The following EPHA6 variants were observed in gnomAD, a reference collection of about 807,000 sequenced individuals.
The protein encoded by EPHA6 is EPH receptor A6.
EPHA6 carries 50 observed loss-of-function variants against 112.0 expected under a neutral mutation model. The ratio of observed to expected loss-of-function variants is 0.45; its 90% CI spans 0.36 to 0.56. EPHA6 has a LOEUF of 0.56. Among genes scored for constraint, EPHA6 ranks in the 20% least tolerant of loss-of-function variants. The probability of loss-of-function intolerance (pLI) is 0.00; values close to 1 mark genes in which losing one functional copy is unlikely to be tolerated. For synonymous variants in EPHA6, 529 were observed against 490.7 expected, an observed-to-expected ratio of 1.08 and a Z score of -1.03; for missense variants, 1,280 against 1,417.4, an observed-to-expected ratio of 0.90 and a Z score of 1.56.
At chr3:97,350,145 G>A (rs1270640171) in intron 5 of EPHA6, among the ~76,000 whole-genome samples, 2 of 151,930 alleles carry the variant, frequency 1.3e-5, no homozygotes, top group African/African-American at 4.8e-5. Flanking sequence ...TTTGGATATT[G>A]TAGAGAAAGA....
chr3:96,916,651 T>C (rs1000149481), intron 2 of EPHA6, among the ~76,000 whole-genome samples: 3 of 151,990 alleles, frequency 2.0e-5, no homozygotes, highest in African/African-American at 7.2e-5. Flanking sequence ...AATGAGTAGA[T>C]TGAAAGAGTT....
At chr3:97,610,716 CAGCTGGGT>C (rs1391808201) in intron 12 of EPHA6, 69 bp from the exon 13 acceptor site, 17 of 1,136,958 alleles carry the variant, frequency 1.5e-5, no homozygotes, top group African/African-American at 3.2e-5. Context: ...TTAGTTGCCA[CAGCTGGGT>C]ATCTCTTAAC....
intron 2 of EPHA6, among the ~76,000 whole-genome samples, chr3:96,871,469 C>T (rs1265079618): frequency 6.6e-6 from 1 of 151,876 alleles, no homozygotes; most frequent in East Asian, 1.9e-4. Context: ...CCATTTGTTT[C>T]TTTGCTTTTT....
At chr3:97,647,266 A>G (rs1672246664) in intron 14 of EPHA6, among the ~76,000 whole-genome samples, 1 of 152,160 alleles carries the variant, frequency 6.6e-6, no homozygotes, top group African/African-American at 2.4e-5. Flanking sequence ...GCTACACAGG[A>G]ATAAGACCAA....
At chr3:97,666,596 T>C (rs2030139766) in intron 14 of EPHA6, among the ~76,000 whole-genome samples, 2 of 152,208 alleles carry the variant, frequency 1.3e-5, no homozygotes, top group Admixed American at 6.5e-5. Context: ...TGTCTCTTTG[T>C]CCAAATTTTC....
intron 3 of EPHA6, among the ~76,000 whole-genome samples, chr3:97,140,812 A>G (rs568237905): frequency 3.3e-5 from 5 of 152,304 alleles, no homozygotes; most frequent in African/African-American, 9.6e-5. Context: ...TGATAGGTAC[A>G]AAACCTCACA....
At chr3:97,340,173 A>C (rs932347959) in intron 5 of EPHA6, among the ~76,000 whole-genome samples, 1 of 152,188 alleles carries the variant, frequency 6.6e-6, no homozygotes, top group Non-Finnish European at 1.5e-5. Context: ...CTAAATATTG[A>C]GTTTTCCAAT....
chr3:96,822,839 T>TCACTACCTA, intron 1 of EPHA6, among the ~76,000 whole-genome samples: 1 of 151,416 alleles, frequency 6.6e-6, no homozygotes, highest in South Asian at 2.1e-4. Context: ...CATTCTTAGG[T>TCACTACCTA]AGTGTATAGA....
chr3:97,328,596 C>T lies in EPHA6; in HGVS notation c.1607-76554C>T, dbSNP rs146928509. 4.6e-5 allele frequency among the ~76,000 whole-genome samples: 7 copies of T among 151,896 alleles called. No homozygotes were observed. The East Asian group carries it at 1.4e-3, about 29-fold the overall frequency. ...GAGAGTTCTTTGTATAATCTAAGTA[C>T]TACTCGTTTGTCAGATACACAGTTT... On this transcript the variant is annotated intron_variant, in intron 5 of 17. Transcript: ENST00000389672.
intron 10 of EPHA6, among the ~76,000 whole-genome samples, chr3:97,514,429 G>GATT (rs2092415100): frequency 6.6e-6 from 1 of 152,060 alleles, no homozygotes; most frequent in South Asian, 2.1e-4. Context: ...CATATTTCAG[G>GATT]ATTATTAATA....
intron 14 of EPHA6, among the ~76,000 whole-genome samples, chr3:97,649,219 C>T (rs576196228): frequency 1.3e-5 from 2 of 152,146 alleles, no homozygotes; most frequent in African/African-American, 2.4e-5. Flanking sequence ...AGGAAAGTCA[C>T]GTCTTACATG....
rs145890369 is a variant in EPHA6, at chr3:97,009,817, C to G, written c.1114+21824C>G. On this transcript the variant is annotated intron_variant, in intron 3 of 17. Transcript: ENST00000389672. The stretch of plus-strand genomic sequence containing the variant: ...GCTGGGTAGCATGCTCACTCACCAC[C>G]TCACTTGGCTGGAGGGAACAGACTC... Among the ~76,000 whole-genome samples the G allele has an allele frequency of 2.1e-3, 325 of 152,326 alleles. 1 individual carries two copies. The highest frequency in any genetic ancestry group is 7.6e-3 in the African/African-American group (317 of 41,578).
At chr3:96,853,470 A>T (rs1334607537) in intron 1 of EPHA6, among the ~76,000 whole-genome samples, 1 of 152,048 alleles carries the variant, frequency 6.6e-6, no homozygotes, top group Non-Finnish European at 1.5e-5. Flanking sequence ...CAGTGGCCAT[A>T]ATGCATTGAC....
At chr3:97,274,066 C>G (rs970854398) in intron 5 of EPHA6, among the ~76,000 whole-genome samples, 4 of 151,926 alleles carry the variant, frequency 2.6e-5, no homozygotes, top group African/African-American at 9.7e-5. Flanking sequence ...CAGATTTCCA[C>G]GATGGAAAGG....
At chr3:97,452,437 T>C (rs1026613894) in intron 7 of EPHA6, among the ~76,000 whole-genome samples, 3 of 151,800 alleles carry the variant, frequency 2.0e-5, no homozygotes, top group African/African-American at 7.2e-5. Flanking sequence ...TCCTTGTATT[T>C]TAATGTTCGC....
chr3:97,356,304 T>G (rs922623467), intron 5 of EPHA6, among the ~76,000 whole-genome samples: 3 of 152,240 alleles, frequency 2.0e-5, no homozygotes, highest in Non-Finnish European at 4.4e-5. Flanking sequence ...TATGGTGAGC[T>G]GTATAATTAT....
chr3:97,477,448 AAGGGG>A (rs138218579), intron 8 of EPHA6, among the ~76,000 whole-genome samples: 21,904 of 134,254 alleles, frequency 0.16, 2,450 homozygotes, highest in African/African-American at 0.29. Flanking sequence ...AAGGGAAGGG[AAGGGG>A]AGGGGAGGGG....
At chr3:97,655,090 T>C (rs1327539843) in intron 14 of EPHA6, among the ~76,000 whole-genome samples, 4 of 148,026 alleles carry the variant, frequency 2.7e-5, no homozygotes, top group South Asian at 2.1e-4. Context: ...AAAATATATA[T>C]ATTATATGTT....
At chr3:97,356,383 T>C (rs1461999288) in intron 5 of EPHA6, among the ~76,000 whole-genome samples, 1 of 152,186 alleles carries the variant, frequency 6.6e-6, no homozygotes, top group Non-Finnish European at 1.5e-5. Flanking sequence ...GCTTGAATCA[T>C]CCCAAAACCA....
Sources: gnomAD v4.1 joint callset for allele counts (sites outside exome capture counted in the v4.1 genomes callset) on GRCh38, gnomAD v4.1.1 for gene constraint, MANE v1.5 for transcripts, NCBI Gene and HGNC (gene_info 2026-07-23, HGNC 2026-07-21) for gene names.